SYT3: variants seen among roughly 807,000 people sequenced by gnomAD.
SYT3 encodes the protein synaptotagmin-3.
In SYT3, 25 loss-of-function variants were observed where a neutral mutation model predicts 50.6. The ratio of observed to expected loss-of-function variants is 0.49; its 90% CI spans 0.36 to 0.69. SYT3 has a LOEUF of 0.69. Ranked by LOEUF, SYT3 falls within the 30% of genes least tolerant of loss-of-function variation. The pLI is 0.00. For synonymous variants in SYT3, 323 were observed against 353.9 expected, an observed-to-expected ratio of 0.91 and a Z score of 0.98; for missense variants, 589 against 793.6, an observed-to-expected ratio of 0.74 and a Z score of 3.10.
rs201095723 is a variant in SYT3, at chr19:50,629,771, C to T, written c.1062+13G>A. The T allele has an allele frequency of 4.4e-6, 7 of 1,603,646 alleles. No homozygotes were observed. In the Middle Eastern group the frequency reaches 5.1e-4, roughly 116 times the overall value. The stretch of plus-strand genomic sequence containing the variant: ...CTCTGTGGGAACCCGGTGTCCAGCC[C>T]GCTGCTCCGGACCTTGGTCTGAAAC... On this transcript the variant is annotated intron_variant, in intron 5 of 10. Coordinates refer to ENST00000600079, the MANE Select transcript of SYT3 (RefSeq NM_001160329.2).
chr19:50,656,736 G>C, the SYT3 span, among the ~76,000 whole-genome samples: 2 of 152,142 alleles, frequency 1.3e-5, no homozygotes, highest in South Asian at 4.1e-4. Flanking sequence ...TGGATCACTA[G>C]AGGTCAGGAG....
the SYT3 span, chr19:50,655,992 A>G: frequency 1.3e-6 from 2 of 1,494,610 alleles, no homozygotes; most frequent in Admixed American, 3.9e-5. Context: ...TGGCCATTTA[A>G]GCAGAATCAT....
intron 4 of SYT3, among the ~76,000 whole-genome samples, chr19:50,631,443 C>A (rs1984303510): frequency 6.6e-6 from 1 of 152,282 alleles, no homozygotes; most frequent in South Asian, 2.1e-4. Flanking sequence ...GGATTACAGG[C>A]ATGAGCCACT....
chr19:50,642,414 T>C (rs1984696565), upstream of SYT3, among the ~76,000 whole-genome samples: 2 of 152,264 alleles, frequency 1.3e-5, no homozygotes, highest in South Asian at 4.1e-4. Flanking sequence ...CTGTGTGACT[T>C]TGGGGGCAGA....
At chr19:50,624,853 C>T (rs1008200013) in intron 9 of SYT3, 80 of 281,828 alleles carry the variant, frequency 2.8e-4, no homozygotes, top group African/African-American at 1.6e-3. Context: ...CGCCCAGCCC[C>T]CTCTATTTTC....
At chr19:50,643,546 C>A (rs1427278605), upstream of SYT3, among the ~76,000 whole-genome samples, 1 of 151,990 alleles carries the variant, frequency 6.6e-6, no homozygotes. Context: ...GCATCTAGGA[C>A]CCATTTGAGG....
the SYT3 span, among the ~76,000 whole-genome samples, chr19:50,648,062 G>T: frequency 6.6e-6 from 1 of 152,282 alleles, no homozygotes; most frequent in African/African-American, 2.4e-5. Flanking sequence ...AGGCATTGCT[G>T]GATCCAGGTG....
At position 50,637,291 on chromosome 19, in the gene SYT3, G is replaced by A. The variant is rs927327465; in HGVS notation, c.121C>T (p.Arg41Ter). The change falls in exon 3 of 11, where the codon CGA becomes TGA. Residue 41 changes from arginine to a stop codon, truncating the protein, a stop_gained. Coordinates refer to ENST00000600079, the MANE Select transcript of SYT3 (RefSeq NM_001160329.2). LOFTEE classifies it high-confidence loss of function. The surrounding 1 kb of genome is among the most constrained non-coding windows in gnomAD (Gnocchi z 4.9). Reference protein sequence around the residue: ...DRCQEFNDRIRGYPRGPDADI... With the variant: ...DRCQEFNDRI Reference sequence around the variant, plus strand: ...GCATCTGGACCCCGGGGATAGCCTCGGATTCGGTCATTGAACTCCTGGCAC... The same window carrying A: ...GCATCTGGACCCCGGGGATAGCCTCAGATTCGGTCATTGAACTCCTGGCAC... 9 of 1,613,354 alleles carry A rather than the reference G, an allele frequency of 5.6e-6. No individual in the cohort carries two copies. Among genetic ancestry groups the A allele is most frequent in the African/African-American group, 1.3e-5 (1 of 74,880 alleles).
At chr19:50,646,890 G>A in the SYT3 span, among the ~76,000 whole-genome samples, 2 of 152,028 alleles carry the variant, frequency 1.3e-5, no homozygotes, top group African/African-American at 2.4e-5. Context: ...GAGTGCAGTG[G>A]CGCGATCTCG....
At chr19:50,656,556 C>T in the SYT3 span, among the ~76,000 whole-genome samples, 8 of 152,126 alleles carry the variant, frequency 5.3e-5, no homozygotes, top group East Asian at 1.9e-4. Flanking sequence ...GGGAGACCAA[C>T]GGGCAAAGAA....
chr19:50,625,907 A>C lies in SYT3; in HGVS notation c.1392T>G (p.Thr464=). 1 of 1,613,474 alleles carries C rather than the reference A, an allele frequency of 6.2e-7. No individual in the cohort carries two copies. The highest frequency in any genetic ancestry group is 8.5e-7 in the Non-Finnish European group (1 of 1,179,752). Residue 464 remains threonine, a synonymous_variant, in exon 7 of 11, where the codon ACT becomes ACG. Coordinates refer to ENST00000600079, the MANE Select transcript of SYT3 (RefSeq NM_001160329.2). This position sits in a 1 kb window ranked among gnomAD's most constrained non-coding sequence, Gnocchi z 7.5. ...KASNLKAMDL[T]GFSDPYVKAS... ...ACCCAGGACCCTCACCTGAGAAGCC[A>C]GTGAGGTCCATCGCTTTGAGGTTAG...
At chr19:50,646,384 G>A in the SYT3 span, among the ~76,000 whole-genome samples, 1 of 150,830 alleles carries the variant, frequency 6.6e-6, no homozygotes, top group Non-Finnish European at 1.5e-5. Context: ...GTGAAGACCA[G>A]GAGGGACAGG....
chr19:50,637,190 C>A lies in SYT3; in HGVS notation c.148+74G>T. 6.5e-7 allele frequency: 1 copy of A among 1,549,394 alleles called. No individual in the cohort carries two copies. The highest frequency in any genetic ancestry group is 8.8e-7 in the Non-Finnish European group (1 of 1,135,502). ...GACTGACCCCACAAGCAATGGAAAG[C>A]TGAGCAGTTCTGCTCCGAGTCTCCT... On this transcript the variant is annotated intron_variant, in intron 3 of 10. Coordinates refer to ENST00000600079, the MANE Select transcript of SYT3 (RefSeq NM_001160329.2). The surrounding 1 kb of genome is among the most constrained non-coding windows in gnomAD (Gnocchi z 4.9).
At chr19:50,653,008 AG>A in the SYT3 span, among the ~76,000 whole-genome samples, 1 of 152,144 alleles carries the variant, frequency 6.6e-6, no homozygotes, top group African/African-American at 2.4e-5. Flanking sequence ...GGTTGTTGTG[AG>A]GATGCAATGG....
rs754271371 is a variant in SYT3, at chr19:50,625,436, C to T, written c.1531G>A (p.Val511Met). 5 of 1,570,804 alleles carry T rather than the reference C, an allele frequency of 3.2e-6. No individual in the cohort carries two copies. The highest frequency in any genetic ancestry group is 3.8e-5 in the Admixed American group (2 of 53,002). The change falls in exon 8 of 11, where the codon GTG (valine) becomes ATG (methionine). Residue 511 changes from valine to methionine, a missense_variant. Transcript: ENST00000600079. The surrounding 1 kb of genome is among the most constrained non-coding windows in gnomAD (Gnocchi z 7.5). ...GCGATGCTGAGCCCCACGTTCTCCA[C>T]GCTCTCGGGGGCCACGTCGAACACC... ...ALVFDVAPES[V>M]ENVGLSIAVV... is the part of the protein sequence containing the mutation.
At chr19:50,657,855 A>G in the SYT3 span, 1 of 1,192,678 alleles carries the variant, frequency 8.4e-7, no homozygotes, top group Non-Finnish European at 1.1e-6. Flanking sequence ...CCTGGGATTA[A>G]GAGCGATCCT....
the SYT3 span, among the ~76,000 whole-genome samples, chr19:50,653,282 G>A: frequency 1.3e-5 from 2 of 152,064 alleles, no homozygotes; most frequent in Non-Finnish European, 2.9e-5. Context: ...CAGTCAATCT[G>A]CCCACTTTGG....
chr19:50,649,616 A>G, the SYT3 span: 5 of 1,232,822 alleles, frequency 4.1e-6, no homozygotes, highest in African/African-American at 7.5e-5. Context: ...TGGCACTCCA[A>G]AGTGAAAGCC....
At chr19:50,657,546 T>A in the SYT3 span, among the ~76,000 whole-genome samples, 2 of 152,114 alleles carry the variant, frequency 1.3e-5, no homozygotes, top group African/African-American at 4.8e-5. Context: ...GACCCTTATC[T>A]TTTGACTACT....
Sources: allele counts gnomAD v4.1 joint callset (sites outside exome capture counted in the v4.1 genomes callset), GRCh38; gene constraint gnomAD v4.1.1; non-coding constraint Gnocchi (gnomAD v3.1); transcripts MANE v1.5; gene names NCBI Gene and HGNC (gene_info 2026-07-23, HGNC 2026-07-21).